BHMT2: variants seen among roughly 807,000 people sequenced by gnomAD.
BHMT2 encodes the protein betaine--homocysteine S-methyltransferase 2.
A neutral mutation model predicts 39.0 loss-of-function variants in BHMT2; 28 were observed. The observed-to-expected ratio is 0.72, with a 90% CI of 0.53 to 0.98. The LOEUF (loss-of-function observed/expected upper bound fraction) is 0.98, where lower values mean the gene tolerates loss of function less well. BHMT2 is among the 50% of genes least tolerant of loss of function. The pLI, the probability that BHMT2 is intolerant of heterozygous loss-of-function variation, is 0.00. For missense variants in BHMT2, 410 were observed against 455.6 expected, an observed-to-expected ratio of 0.90 and a Z score of 0.91; for synonymous variants, 145 against 160.6, an observed-to-expected ratio of 0.90 and a Z score of 0.74.
At chr5:79,088,400 T>C in intron 7 of BHMT2, 93 bp from the exon 8 acceptor site, 1 of 492,572 alleles carries the variant, frequency 2.0e-6, no homozygotes, top group South Asian at 2.2e-5. Context: ...GTGTGTGTGG[T>C]TATATACATA....
intron 1 of BHMT2, among the ~76,000 whole-genome samples, chr5:79,074,609 A>G (rs1755638592): frequency 6.6e-6 from 1 of 152,206 alleles, no homozygotes; most frequent in Non-Finnish European, 1.5e-5. Context: ...GTTCCTTGGT[A>G]TCCAAGGAAG....
At chr5:79,087,041 T>TATATATATATATATATATATAC (rs1491463046) in intron 7 of BHMT2, among the ~76,000 whole-genome samples, 1 of 138,388 alleles carries the variant, frequency 7.2e-6, no homozygotes, top group Non-Finnish European at 1.6e-5. Context: ...TATATATATA[T>TATATATATATATATATATATAC]ACATATGTAT....
At chr5:79,071,850 A>G (rs1489793646) in intron 1 of BHMT2, among the ~76,000 whole-genome samples, 5 of 151,326 alleles carry the variant, frequency 3.3e-5, no homozygotes, top group African/African-American at 1.2e-4. Flanking sequence ...AAAAAACTAA[A>G]GAAGGGATCA....
chr5:79,074,119 A>G (rs756983000), intron 1 of BHMT2, among the ~76,000 whole-genome samples: 3 of 152,188 alleles, frequency 2.0e-5, no homozygotes, highest in Non-Finnish European at 4.4e-5. Flanking sequence ...CAGAGGGTGC[A>G]GCCCCAGCCG....
intron 7 of BHMT2, 105 bp downstream of exon 7, chr5:79,083,961 A>C: frequency 2.1e-6 from 3 of 1,434,226 alleles, no homozygotes; most frequent in South Asian, 2.9e-5. Context: ...GAAATGTATA[A>C]AGTGAAAAGT....
At position 79,088,053 on chromosome 5, in the gene BHMT2, G is replaced by A. The variant is rs190062652; in HGVS notation, c.1011-440G>A. Among the ~76,000 whole-genome samples, 32 of 152,212 alleles carry A rather than the reference G, an allele frequency of 2.1e-4. 1 individual carries two copies. In the South Asian group the frequency reaches 2.3e-3, roughly 11 times the overall value. On this transcript the variant is annotated intron_variant, in intron 7 of 7. Coordinates refer to ENST00000255192, the MANE Select transcript of BHMT2 (RefSeq NM_017614.5). Reference sequence around the variant, plus strand: ...AAATTAGCCTGGTGTGGTGGTGCACGCCAGTAGTCCCAGCTACCTGGGGGG... The same window carrying A: ...AAATTAGCCTGGTGTGGTGGTGCACACCAGTAGTCCCAGCTACCTGGGGGG...
rs1256576812 is a variant in BHMT2, at chr5:79,083,298, C to G, written c.705C>G (p.Leu235=). 1 of 1,613,872 alleles carries G rather than the reference C, an allele frequency of 6.2e-7. No individual in the cohort carries two copies. The highest frequency in any genetic ancestry group is 1.7e-5 in the Admixed American group (1 of 60,012). ...AGTGGGCAGGGCTGAAAGCGCACCT[C>G]ATGGTGCAGCCTCTGGGGTTCCACG... The part of the protein sequence containing the change: ...GLEWAGLKAH[L]MVQPLGFHAP... Residue 235 remains leucine, a synonymous_variant, in exon 6 of 8, where the codon CTC becomes CTG. Transcript: ENST00000255192.
At chr5:79,081,599 C>A (rs1755789947) in intron 4 of BHMT2, among the ~76,000 whole-genome samples, 1 of 152,166 alleles carries the variant, frequency 6.6e-6, no homozygotes. Context: ...GTAGCTCACA[C>A]CTGTAATCCC....
intron 3 of BHMT2, among the ~76,000 whole-genome samples, chr5:79,080,430 G>C (rs1304939013): frequency 6.6e-6 from 1 of 152,186 alleles, no homozygotes; most frequent in African/African-American, 2.4e-5. Context: ...CAAAGGCATA[G>C]ACCCTATCTG....
chr5:79,073,928 C>G (rs896385728), intron 1 of BHMT2, among the ~76,000 whole-genome samples: 1 of 152,194 alleles, frequency 6.6e-6, no homozygotes, highest in Admixed American at 6.5e-5. Context: ...TAAGAACTAG[C>G]ATCCCCAATC....
chr5:79,089,730 G>T lies in BHMT2; in HGVS notation c.*1156G>T, dbSNP rs941558023. ...ACCTATAATCCCAGCACTTTGGGAG[G>T]CCAGGGCGGGCAGATCACTTGGGTC... On this transcript the variant is annotated 3_prime_UTR_variant, in exon 8 of 8. Coordinates refer to ENST00000255192, the MANE Select transcript of BHMT2 (RefSeq NM_017614.5). Among the ~76,000 whole-genome samples, 10 of 152,164 alleles carry T rather than the reference G, an allele frequency of 6.6e-5. No individual in the cohort carries two copies. Among genetic ancestry groups the T allele is most frequent in the Admixed American group, 2.6e-4 (4 of 15,288 alleles).
At chr5:79,079,800 G>A (rs1330516858) in intron 3 of BHMT2, among the ~76,000 whole-genome samples, 3 of 152,162 alleles carry the variant, frequency 2.0e-5, no homozygotes, top group African/African-American at 7.2e-5. Context: ...GGAGGTTGAG[G>A]CATGAGAATG....
chr5:79,076,730 T>C (rs1433590923), intron 1 of BHMT2, among the ~76,000 whole-genome samples: 2 of 152,162 alleles, frequency 1.3e-5, no homozygotes, highest in Non-Finnish European at 2.9e-5. Context: ...GAGTGCCAAA[T>C]GATAAGACAC....
At chr5:79,075,708 A>G (rs1390531905) in intron 1 of BHMT2, among the ~76,000 whole-genome samples, 3 of 152,150 alleles carry the variant, frequency 2.0e-5, no homozygotes, top group Non-Finnish European at 4.4e-5. Context: ...CACTTGACCA[A>G]AGACCAGAAA....
intron 1 of BHMT2, among the ~76,000 whole-genome samples, chr5:79,073,305 G>A (rs1755615265): frequency 6.6e-6 from 1 of 152,114 alleles, no homozygotes; most frequent in South Asian, 2.1e-4. Flanking sequence ...GAAGTGTATG[G>A]GATTTTCAGG....
chr5:79,074,825 ACT>A (rs1755644378), intron 1 of BHMT2, among the ~76,000 whole-genome samples: 1 of 152,184 alleles, frequency 6.6e-6, no homozygotes. Context: ...ATGTGGCTAA[ACT>A]CTCACGCAGG....
intron 7 of BHMT2, among the ~76,000 whole-genome samples, chr5:79,088,043 G>T (rs1755933534): frequency 1.3e-5 from 2 of 152,142 alleles, no homozygotes; most frequent in South Asian, 4.1e-4. Flanking sequence ...AGCCTGGTGT[G>T]GTGGTGCACG....
intron 1 of BHMT2, 143 bp downstream of exon 1, chr5:79,069,958 C>T (rs1755519288): frequency 1.1e-6 from 1 of 921,846 alleles, no homozygotes. Flanking sequence ...CTCAATTTTC[C>T]CCTGTCACGG....
At chr5:79,086,878 G>A (rs1755905834) in intron 7 of BHMT2, among the ~76,000 whole-genome samples, 1 of 151,488 alleles carries the variant, frequency 6.6e-6, no homozygotes, top group South Asian at 2.1e-4. Context: ...TATTATTGAA[G>A]GCATTTTTCT....
Sources: allele counts gnomAD v4.1 joint callset (sites outside exome capture counted in the v4.1 genomes callset), GRCh38; gene constraint gnomAD v4.1.1; transcripts MANE v1.5; gene names NCBI Gene and HGNC (gene_info 2026-07-23, HGNC 2026-07-21).